The following HIC2 variants were observed in gnomAD, a reference collection of about 807,000 sequenced individuals.
HIC2 encodes the protein HIC ZBTB transcriptional repressor 2.
A neutral mutation model predicts 39.5 loss-of-function variants in HIC2; 2 were observed. The observed-to-expected ratio is 0.05, with a 90% CI of 0.02 to 0.16. The LOEUF (loss-of-function observed/expected upper bound fraction) is 0.16, where lower values mean the gene tolerates loss of function less well. Among genes scored for constraint, HIC2 ranks in the 10% least tolerant of loss-of-function variants. The pLI is 1.00. For missense variants in HIC2, 713 were observed against 863.5 expected, an observed-to-expected ratio of 0.83 and a Z score of 2.18; for synonymous variants, 399 against 368.8, an observed-to-expected ratio of 1.08 and a Z score of -0.94.
chr22:21,443,505 G>A (rs1601331850), intron 2 of HIC2, among the ~76,000 whole-genome samples: 2 of 152,250 alleles, frequency 1.3e-5, no homozygotes, highest in Non-Finnish European at 2.9e-5. Context: ...TCTGGGAGGG[G>A]CAGTAGATCC....
Position 21,446,124 on chromosome 22 carries a change from C to G in HIC2, c.1229C>G (p.Ala410Gly). 6.2e-7 allele frequency: 1 copy of G among 1,608,018 alleles called. No homozygotes were observed. The highest frequency in any genetic ancestry group is 8.5e-7 in the Non-Finnish European group (1 of 1,179,820). ...ENGKDASEDS[A>G]QSGSEGGSGH... ...GGCAAGGATGCAAGTGAAGACAGTG[C>G]GCAGAGCGGGAGCGAGGGGGGCAGC... The change falls in exon 3 of 3, where the codon GCG (alanine) becomes GGG (glycine). Residue 410 changes from alanine (A) to glycine (G), a missense_variant. Coordinates refer to ENST00000407464, the MANE Select transcript of HIC2 (RefSeq NM_015094.3).
rs1057295100 is a variant in HIC2 at position 21,446,327 on chromosome 22, G to C, written c.1432G>C (p.Glu478Gln). The C allele has an allele frequency of 1.2e-6, 2 of 1,613,236 alleles. No homozygotes were observed. The highest frequency in any genetic ancestry group is 1.7e-5 in the Admixed American group (1 of 60,032). The change falls in exon 3 of 3, where the codon GAG becomes CAG. Residue 478 changes from glutamate to glutamine, a missense_variant. Glu to Gln is a conservative substitution (Grantham distance 29). Around this residue, in one of 5 missense-constraint regions of HIC2, gnomAD observed 103 missense variants for 103.4 expected, o/e 1.00. Coordinates refer to ENST00000407464, the MANE Select transcript of HIC2 (RefSeq NM_015094.3). Reference sequence around the variant, plus strand: ...GTTCATCAAGGAAGAGGGGGCCTACGAGACAGGCAGTGGGGGTGCCGAGGA... The same window carrying C: ...GTTCATCAAGGAAGAGGGGGCCTACCAGACAGGCAGTGGGGGTGCCGAGGA... ...ELFIKEEGAY[E>Q]TGSGGAEEEA...
chr22:21,445,718 G>A lies in HIC2; in HGVS notation c.823G>A (p.Asp275Asn), dbSNP rs768101786. 23 of 1,611,306 alleles carry A rather than the reference G, an allele frequency of 1.4e-5. No individual in the cohort carries two copies. Among genetic ancestry groups the A allele is most frequent in the Admixed American group, 1.7e-5 (1 of 59,918 alleles). Residue 275 changes from aspartate (D) to asparagine (N), a missense_variant, in exon 3 of 3, where the codon GAC (aspartate) becomes AAC (asparagine). Asp to Asn is a conservative substitution (Grantham distance 23). Transcript: ENST00000407464. ...LTPDDAAQLS[D>N]SQHGSPPAAS... ...TCCCGATGACGCAGCCCAGCTGAGC[G>A]ACAGCCAACATGGCTCGCCCCCTGC...
chr22:21,445,123 G>T lies in HIC2; in HGVS notation c.228G>T (p.Leu76=), dbSNP rs1923727185. 6.2e-7 allele frequency: 1 copy of T among 1,614,186 alleles called. No individual in the cohort carries two copies. The highest frequency in any genetic ancestry group is 8.5e-7 in the Non-Finnish European group (1 of 1,180,040). The change falls in exon 3 of 3, where the codon CTG becomes CTT. Residue 76 remains leucine, a synonymous_variant. Coordinates refer to ENST00000407464, the MANE Select transcript of HIC2 (RefSeq NM_015094.3). ...ASSIYFKSLV[L]HDNLINLDTD... is the part of the protein sequence containing the mutation. ...GCATCTATTTCAAGTCCCTGGTCCT[G>T]CACGACAACCTCATCAACCTGGACA...
Position 21,446,625 on chromosome 22 carries a change from C to T in HIC2, c.1730C>T (p.Thr577Met). The stretch of plus-strand genomic sequence containing the variant: ...CGCTTCACCCGTCAGTACCGCCTCA[C>T]GGAGCACATGCGTGTGCACTCGGGC... ...GMRFTRQYRL[T>M]EHMRVHSGEK... The change falls in exon 3 of 3, where the codon ACG becomes ATG. Residue 577 changes from threonine to methionine, a missense_variant. Transcript: ENST00000407464. 1.9e-6 allele frequency: 3 copies of T among 1,613,790 alleles called. No individual in the cohort carries two copies. Among genetic ancestry groups the T allele is most frequent in the Non-Finnish European group, 2.5e-6 (3 of 1,180,022 alleles).
At position 21,446,991 on chromosome 22, in the gene HIC2, G is replaced by C. The variant is rs41282577; in HGVS notation, c.*248G>C. ...CCCACCCAGGCCCCCAGCTCCCCGC[G>C]GGGGCCACCGCAGGGCCTGTGGGCT... On this transcript the variant is annotated 3_prime_UTR_variant, in exon 3 of 3. Coordinates refer to ENST00000407464, the MANE Select transcript of HIC2 (RefSeq NM_015094.3). The C allele has an allele frequency of 5.4e-6, 3 of 552,352 alleles. No homozygotes were observed. Among genetic ancestry groups the C allele is most frequent in the South Asian group, 2.5e-5 (1 of 40,034 alleles). The allele number at this position is 552,352 out of a possible 1,614,324, so 34.2% of individuals were successfully genotyped here.
chr22:21,438,281 T>C (rs1437559595), intron 1 of HIC2, among the ~76,000 whole-genome samples: 1 of 151,436 alleles, frequency 6.6e-6, no homozygotes, highest in Non-Finnish European at 1.5e-5. Flanking sequence ...GAAGGAGCCA[T>C]GTGGAGGCCC....
Position 21,446,215 on chromosome 22 carries a change from C to G in HIC2, c.1320C>G (p.Asn440Lys). Reference sequence around the variant, plus strand: ...ACGAGACGGTGTCCTACGGGGACAACTTGTATGTGTGCATTCCCTGCGCCA... The same window carrying G: ...ACGAGACGGTGTCCTACGGGGACAAGTTGTATGTGTGCATTCCCTGCGCCA... Reference protein sequence around the residue: ...EGYETVSYGDNLYVCIPCAKG... With the variant: ...EGYETVSYGDKLYVCIPCAKG... The change falls in exon 3 of 3, where the codon AAC becomes AAG. Residue 440 changes from asparagine to lysine, a missense_variant. Asn to Lys is a moderately conservative substitution (Grantham distance 94, BLOSUM62 0). Around this residue, in one of 5 missense-constraint regions of HIC2, gnomAD observed 457 missense variants for 420.2 expected, o/e 1.09. Coordinates refer to ENST00000407464, the MANE Select transcript of HIC2 (RefSeq NM_015094.3). The G allele has an allele frequency of 6.2e-7, 1 of 1,612,392 alleles. No individual in the cohort carries two copies. The highest frequency in any genetic ancestry group is 8.5e-7 in the Non-Finnish European group (1 of 1,180,012).
intron 2 of HIC2, 146 bp from the exon 3 acceptor site, chr22:21,444,776 A>C (rs1320037414): frequency 1.3e-6 from 1 of 791,262 alleles, no homozygotes; most frequent in African/African-American, 1.7e-5. Flanking sequence ...TTGTGGGCTT[A>C]TGTGCCGTGT....
rs1924140123 is a variant in HIC2, at chr22:21,450,759, CTG to C, written c.*4017_*4018del. 1.3e-5 allele frequency: 2 copies of C among 152,836 alleles called. No homozygotes were observed. Among genetic ancestry groups the C allele is most frequent in the African/African-American group, 4.8e-5 (2 of 41,542 alleles). The allele number at this position is 152,836 out of a possible 1,614,324, so 9.5% of individuals were successfully genotyped here. On this transcript the variant is annotated 3_prime_UTR_variant, in exon 3 of 3. Coordinates refer to ENST00000407464, the MANE Select transcript of HIC2 (RefSeq NM_015094.3). Reference sequence around the variant, plus strand: ...GAGTGAGGGCTGGGGAGGGACCTAACTGGAGCCTCAGTCTGACATTCCACGCC... The same window carrying C: ...GAGTGAGGGCTGGGGAGGGACCTAACGAGCCTCAGTCTGACATTCCACGCC...
At position 21,448,110 on chromosome 22, in the gene HIC2, A is replaced by G. The variant is rs561947102; in HGVS notation, c.*1367A>G. The G allele has an allele frequency of 2.0e-5, 3 of 152,566 alleles. No homozygotes were observed. The Middle Eastern group carries it at 0.01, about 519-fold the overall frequency. 9.5% of individuals were successfully genotyped at this position (152,566 alleles called of 1,614,324 possible). ...GGGACCCTGGCACCCCGGGCACACAAACCTCTGTGGTATAGGTGAGGGGTG... is the reference window on the plus strand; with the variant it reads ...GGGACCCTGGCACCCCGGGCACACAGACCTCTGTGGTATAGGTGAGGGGTG... On this transcript the variant is annotated 3_prime_UTR_variant, in exon 3 of 3. Coordinates refer to ENST00000407464, the MANE Select transcript of HIC2 (RefSeq NM_015094.3).
intron 1 of HIC2, among the ~76,000 whole-genome samples, chr22:21,433,079 A>G (rs1923375351): frequency 3.6e-4 from 1 of 2,744 alleles, no homozygotes. Context: ...TTCACAAATG[A>G]TTATGCCCTT....
In HIC2 at chr22:21,448,437, C is replaced by G. The variant is rs1189368430; in HGVS notation, c.*1694C>G. ...TTCTGTGGGCCCTGAAGTGGGCTCTCAAGGTCAGACCAAGGTTGCTGATCT... is the reference window on the plus strand; with the variant it reads ...TTCTGTGGGCCCTGAAGTGGGCTCTGAAGGTCAGACCAAGGTTGCTGATCT... On this transcript the variant is annotated 3_prime_UTR_variant, in exon 3 of 3. Transcript: ENST00000407464. The G allele has an allele frequency of 6.5e-6, 1 of 152,810 alleles. No individual in the cohort carries two copies. Among genetic ancestry groups the G allele is most frequent in the South Asian group, 2.1e-4 (1 of 4,838 alleles). The allele number at this position is 152,810 out of a possible 1,614,324, so 9.5% of individuals were successfully genotyped here. A position where few individuals can be genotyped will look rare whatever the true frequency, so the allele number is the denominator to read the frequency against.
chr22:21,443,247 A>C (rs1484352448), intron 2 of HIC2, among the ~76,000 whole-genome samples: 1 of 152,164 alleles, frequency 6.6e-6, no homozygotes, highest in Non-Finnish European at 1.5e-5. Context: ...TGCTAGGCAG[A>C]GAGCCGCTGG....
In HIC2 at chr22:21,446,098, C is replaced by T. The variant is rs767083893; in HGVS notation, c.1203C>T (p.Asn401=). 3.0e-5 allele frequency: 48 copies of T among 1,607,774 alleles called. No homozygotes were observed. Among genetic ancestry groups the T allele is most frequent in the Non-Finnish European group, 3.8e-5 (45 of 1,179,764 alleles). Residue 401 remains asparagine, a synonymous_variant, in exon 3 of 3, where the codon AAC becomes AAT. Transcript: ENST00000407464. ...ACCCCTGCAAGGAGGAGGAGGAGAA[C>T]GGCAAGGATGCAAGTGAAGACAGTG... ...PPYPCKEEEE[N]GKDASEDSAQ... is the part of the protein sequence containing the mutation.
In HIC2 at chr22:21,450,327, G is replaced by T. The variant is rs984710863; in HGVS notation, c.*3584G>T. ...CCTCAGCCTGTGAAATGAACGATCC[G>T]GACCCTCACCAACTTTCCCCACCTC... On this transcript the variant is annotated 3_prime_UTR_variant, in exon 3 of 3. Coordinates refer to ENST00000407464, the MANE Select transcript of HIC2 (RefSeq NM_015094.3). 6.5e-6 allele frequency: 1 copy of T among 152,776 alleles called. No individual in the cohort carries two copies. Among genetic ancestry groups the T allele is most frequent in the East Asian group, 1.9e-4 (1 of 5,328 alleles). The allele number at this position is 152,776 out of a possible 1,614,324, so 9.5% of individuals were successfully genotyped here.
At chr22:21,443,910 C>T (rs8136398) in intron 2 of HIC2, among the ~76,000 whole-genome samples, 5,201 of 152,318 alleles carry the variant, frequency 0.034, 124 homozygotes, top group African/African-American at 0.048. Flanking sequence ...GGACATTTCC[C>T]TCCTCCCCCC....
chr22:21,441,318 C>T (rs1398068810), intron 1 of HIC2, among the ~76,000 whole-genome samples: 1 of 152,020 alleles, frequency 6.6e-6, no homozygotes, highest in Non-Finnish European at 1.5e-5. Flanking sequence ...CTGGGGCCAT[C>T]CTTCCTTGGT....
At chr22:21,438,076 C>T (rs1311455201) in intron 1 of HIC2, among the ~76,000 whole-genome samples, 12 of 149,668 alleles carry the variant, frequency 8.0e-5, no homozygotes, top group Middle Eastern at 3.4e-3. Context: ...GAGGGCTAGG[C>T]GGGATGGCCT....
Sources: gnomAD v4.1 joint callset for allele counts (sites outside exome capture counted in the v4.1 genomes callset) on GRCh38, gnomAD v4.1.1 for gene constraint, gnomAD v4.1.1 regional missense constraint, MANE v1.5 for transcripts, NCBI Gene and HGNC (gene_info 2026-07-23, HGNC 2026-07-21) for gene names.